RAB7A: variants seen among roughly 807,000 people sequenced by gnomAD.
The protein encoded by RAB7A is RAB7A, member RAS oncogene family.
A neutral mutation model predicts 24.5 loss-of-function variants in RAB7A; 2 were observed. The ratio of observed to expected loss-of-function variants is 0.08; its 90% CI spans 0.03 to 0.26. The LOEUF is 0.26. Ranked by LOEUF, RAB7A falls within the 10% of genes least tolerant of loss-of-function variation. The pLI is 1.00. For synonymous variants in RAB7A, 100 were observed against 95.9 expected (o/e 1.04, Z -0.25); for missense variants, 118 against 255.7 (o/e 0.46, Z 3.67).
intron 1 of RAB7A, among the ~76,000 whole-genome samples, chr3:128,748,276 T>C (rs531992547): frequency 2.0e-5 from 3 of 152,288 alleles, no homozygotes; most frequent in East Asian, 3.9e-4. Context: ...GTTATGTTAA[T>C]ATTGGTCTCA....
intron 1 of RAB7A, among the ~76,000 whole-genome samples, chr3:128,727,142 G>A (rs2070388419): frequency 6.6e-6 from 1 of 152,184 alleles, no homozygotes; most frequent in African/African-American, 2.4e-5. Context: ...AAATATTTGA[G>A]CGTTTATTGT....
intron 1 of RAB7A, among the ~76,000 whole-genome samples, chr3:128,753,092 A>T (rs915471963): frequency 1.3e-5 from 2 of 152,162 alleles, no homozygotes; most frequent in African/African-American, 4.8e-5. Context: ...TCATCATCGG[A>T]TTTCTCTTCA....
intron 3 of RAB7A, chr3:128,798,900 G>T: frequency 3.3e-6 from 1 of 301,526 alleles, no homozygotes; most frequent in Non-Finnish European, 6.4e-6. Context: ...GGTCCATGAT[G>T]CCAGCTGAGG....
chr3:128,730,217 AGTTTGT>A (rs1233941927), intron 1 of RAB7A, among the ~76,000 whole-genome samples: 1 of 151,482 alleles, frequency 6.6e-6, no homozygotes, highest in Non-Finnish European at 1.5e-5. Context: ...ACAGAAAAAT[AGTTTGT>A]GTTTTAAAAC....
rs373840153 is a variant in RAB7A at position 128,751,003 on chromosome 3, G to A, written c.-9+24644G>A. Among the ~76,000 whole-genome samples, 29 of 152,348 alleles carry A rather than the reference G, an allele frequency of 1.9e-4. 1 individual carries two copies. In the East Asian group the frequency reaches 4.0e-3, roughly 21 times the overall value. Reference sequence around the variant, plus strand: ...AGCCCCAAGCTGTGGCAGCTTCCACGTGGTGCTGAGTCTGCGAGTGCACAG... The same window carrying A: ...AGCCCCAAGCTGTGGCAGCTTCCACATGGTGCTGAGTCTGCGAGTGCACAG... On this transcript the variant is annotated intron_variant, in intron 1 of 5. Coordinates refer to ENST00000265062, the MANE Select transcript of RAB7A (RefSeq NM_004637.6).
intron 3 of RAB7A, among the ~76,000 whole-genome samples, chr3:128,803,756 G>T (rs573495374): frequency 6.6e-6 from 1 of 152,150 alleles, no homozygotes; most frequent in Non-Finnish European, 1.5e-5. Context: ...AGCTGTACAG[G>T]ATGATAATGT....
At chr3:128,785,549 A>AG (rs1055844586) in intron 1 of RAB7A, 2 of 152,166 alleles carry the variant, frequency 1.3e-5, no homozygotes, top group African/African-American at 4.8e-5. Context: ...AGTTGAATTC[A>AG]GGAGTTTGAG....
chr3:128,798,610 T>C (rs994268571), intron 3 of RAB7A, among the ~76,000 whole-genome samples: 5 of 152,146 alleles, frequency 3.3e-5, no homozygotes, highest in Admixed American at 3.3e-4. Context: ...TCATATGACT[T>C]GTTGAAAAGC....
intron 1 of RAB7A, among the ~76,000 whole-genome samples, chr3:128,789,725 T>C (rs1933414647): frequency 6.6e-6 from 1 of 152,062 alleles, no homozygotes; most frequent in East Asian, 1.9e-4. Context: ...TTTGGACATT[T>C]TGAAGCTAAC....
chr3:128,788,219 G>A (rs1483085855), intron 1 of RAB7A, among the ~76,000 whole-genome samples: 1 of 152,184 alleles, frequency 6.6e-6, no homozygotes, highest in East Asian at 1.9e-4. Flanking sequence ...TGGTCCCAAA[G>A]CACAAGATGC....
At chr3:128,786,785 G>A (rs1403437977) in intron 1 of RAB7A, among the ~76,000 whole-genome samples, 1 of 152,160 alleles carries the variant, frequency 6.6e-6, no homozygotes, top group Non-Finnish European at 1.5e-5. Context: ...AAGAAATGCC[G>A]AGTGATTAAA....
At chr3:128,742,303 A>G (rs1300798952) in intron 1 of RAB7A, among the ~76,000 whole-genome samples, 1 of 152,164 alleles carries the variant, frequency 6.6e-6, no homozygotes, top group African/African-American at 2.4e-5. Context: ...TCATAAAGGC[A>G]GTGCAGACCC....
intron 1 of RAB7A, among the ~76,000 whole-genome samples, chr3:128,783,879 C>A (rs1933274262): frequency 6.6e-6 from 1 of 152,238 alleles, no homozygotes; most frequent in African/African-American, 2.4e-5. Context: ...ATTGCACGTT[C>A]AGCTGTTTAG....
chr3:128,765,064 G>T, intron 1 of RAB7A: 2 of 1,079,450 alleles, frequency 1.9e-6, no homozygotes, highest in Non-Finnish European at 2.8e-6. Flanking sequence ...CGGCGCTGGA[G>T]CGGCGGCGGG....
At chr3:128,809,934 G>GTTTTTTTTTT (rs1231077081) in intron 5 of RAB7A, among the ~76,000 whole-genome samples, 3 of 47,550 alleles carry the variant, frequency 6.3e-5, no homozygotes, top group African/African-American at 2.5e-4. Context: ...TCTTGCCACA[G>GTTTTTTTTTT]TCTTTTTTTT....
At chr3:128,787,529 G>A (rs901754822) in intron 1 of RAB7A, among the ~76,000 whole-genome samples, 1 of 152,194 alleles carries the variant, frequency 6.6e-6, no homozygotes, top group Non-Finnish European at 1.5e-5. Flanking sequence ...GGTAATTCCA[G>A]CTCTGCCACT....
At chr3:128,795,751 C>CTTTTTTTTTGTTTTTTTTTT (rs1933555895) in intron 2 of RAB7A, among the ~76,000 whole-genome samples, 1 of 43,032 alleles carries the variant, frequency 2.3e-5, no homozygotes, top group African/African-American at 6.3e-5. Flanking sequence ...AGCAGATGTG[C>CTTTTTTTTTGTTTTTTTTTT]TTTTTTTTTT....
intron 1 of RAB7A, among the ~76,000 whole-genome samples, chr3:128,795,041 C>G (rs1933536676): frequency 6.6e-6 from 1 of 152,072 alleles, no homozygotes; most frequent in South Asian, 2.1e-4. Flanking sequence ...AAGCAAGGAC[C>G]AAGCTGTTGA....
At chr3:128,743,446 G>A (rs1457384925) in intron 1 of RAB7A, among the ~76,000 whole-genome samples, 1 of 152,240 alleles carries the variant, frequency 6.6e-6, no homozygotes, top group Non-Finnish European at 1.5e-5. Flanking sequence ...TGCTGAGAGC[G>A]AGCAAGGGCC....
Sources: gnomAD v4.1 joint callset for allele counts (sites outside exome capture counted in the v4.1 genomes callset) on GRCh38, gnomAD v4.1.1 for gene constraint, MANE v1.5 for transcripts, NCBI Gene and HGNC (gene_info 2026-07-23, HGNC 2026-07-21) for gene names.